Variants in GNAQ observed in about 807,000 individuals in gnomAD.
The protein encoded by GNAQ is G protein subunit alpha q.
GNAQ carries 8 observed loss-of-function variants against 43.9 expected under a neutral mutation model. The observed-to-expected ratio is 0.18, with a 90% CI of 0.11 to 0.33. The LOEUF (loss-of-function observed/expected upper bound fraction) is 0.33. Ranked by LOEUF, GNAQ falls within the 10% of genes least tolerant of loss-of-function variation. The pLI, the probability that GNAQ is intolerant of heterozygous loss-of-function variation, is 1.00. For missense variants in GNAQ, 158 were observed against 450.8 expected, an observed-to-expected ratio of 0.35 and a Z score of 5.88; for synonymous variants, 155 against 170.7, an observed-to-expected ratio of 0.91 and a Z score of 0.71.
At chr9:77,804,219 T>G (rs1826789771) in intron 3 of GNAQ, among the ~76,000 whole-genome samples, 1 of 152,112 alleles carries the variant, frequency 6.6e-6, no homozygotes, top group Non-Finnish European at 1.5e-5. Flanking sequence ...TCCCCCCACC[T>G]ATGACTGGAA....
At chr9:77,975,776 T>C (rs1052635100) in intron 1 of GNAQ, among the ~76,000 whole-genome samples, 5 of 152,106 alleles carry the variant, frequency 3.3e-5, no homozygotes, top group African/African-American at 1.2e-4. Flanking sequence ...GACCTCATGA[T>C]CCACCCGCCT....
At chr9:78,025,208 C>T (rs543075095) in intron 1 of GNAQ, among the ~76,000 whole-genome samples, 1 of 152,258 alleles carries the variant, frequency 6.6e-6, no homozygotes, top group African/African-American at 2.4e-5. Flanking sequence ...TGTAACAAAT[C>T]AAAGGTGATT....
At chr9:77,779,680 C>CAAAAAAAAA (rs58014303) in intron 5 of GNAQ, among the ~76,000 whole-genome samples, 5 of 95,938 alleles carry the variant, frequency 5.2e-5, no homozygotes, top group East Asian at 3.1e-4. Context: ...AAAAACAAAA[C>CAAAAAAAAA]AAAAAAAAAA....
intron 5 of GNAQ, among the ~76,000 whole-genome samples, chr9:77,789,439 G>A (rs1288584768): frequency 6.6e-6 from 1 of 152,042 alleles, no homozygotes; most frequent in East Asian, 1.9e-4. Flanking sequence ...AATGGACAAA[G>A]TTGGTAAATG....
At chr9:77,827,683 C>T (rs560501137) in intron 2 of GNAQ, among the ~76,000 whole-genome samples, 39 of 152,082 alleles carry the variant, frequency 2.6e-4, no homozygotes, top group African/African-American at 5.3e-4. Context: ...ATATAATGAC[C>T]GCTTCATTCT....
intron 3 of GNAQ, among the ~76,000 whole-genome samples, chr9:77,812,118 G>A (rs752134264): frequency 2.6e-5 from 4 of 152,110 alleles, no homozygotes; most frequent in Non-Finnish European, 5.9e-5. Flanking sequence ...AATCTTCTAT[G>A]CAGAAGAATG....
chr9:77,886,695 A>G lies in GNAQ; in HGVS notation c.321+35466T>C, dbSNP rs962489532. Among the ~76,000 whole-genome samples, 6 of 152,230 alleles carry G rather than the reference A, an allele frequency of 3.9e-5. 1 individual carries two copies. Among genetic ancestry groups the G allele is most frequent in the African/African-American group, 7.2e-5 (3 of 41,466 alleles). ...ACTGAATATCATCTTTGGCTGTACA[A>G]TCACAACAATAAAAGCAATCAAACA... On this transcript the variant is annotated intron_variant, in intron 2 of 6. Coordinates refer to ENST00000286548, the MANE Select transcript of GNAQ (RefSeq NM_002072.5).
At chr9:77,857,926 G>C (rs935953762) in intron 2 of GNAQ, among the ~76,000 whole-genome samples, 1 of 151,174 alleles carries the variant, frequency 6.6e-6, no homozygotes, top group African/African-American at 2.4e-5. Flanking sequence ...ATAGCATCAG[G>C]CTTCTTTTTA....
chr9:77,988,114 ACAGAG>A (rs1286097523), intron 1 of GNAQ, among the ~76,000 whole-genome samples: 3 of 152,240 alleles, frequency 2.0e-5, no homozygotes, highest in East Asian at 3.8e-4. Flanking sequence ...AGCAATGAGG[ACAGAG>A]CAGAGAGTGG....
chr9:77,741,615 A>T (rs1422626804), intron 5 of GNAQ, among the ~76,000 whole-genome samples: 1 of 152,222 alleles, frequency 6.6e-6, no homozygotes, highest in Non-Finnish European at 1.5e-5. Flanking sequence ...GTGTCAGGGC[A>T]GTATATTTAG....
rs1825242914 is a variant in GNAQ, at chr9:77,717,464, A to G, written c.*3859T>C. On this transcript the variant is annotated 3_prime_UTR_variant, in exon 7 of 7. Transcript: ENST00000286548. ...GTGATTTGAGGGAAATTTCCAACCA[A>G]TATGTGAGTCTTGCAGTATTTCATT... The G allele has an allele frequency of 1.3e-5, 3 of 232,380 alleles. No individual in the cohort carries two copies. In the Admixed American group the frequency reaches 1.7e-4, roughly 13 times the overall value. The allele number at this position is 232,380 out of a possible 1,614,324, so 14.4% of individuals were successfully genotyped here. A position where few individuals can be genotyped will look rare whatever the true frequency, so the allele number is the denominator to read the frequency against.
At chr9:77,933,344 CACAA>C (rs1409545059) in intron 1 of GNAQ, among the ~76,000 whole-genome samples, 1 of 152,130 alleles carries the variant, frequency 6.6e-6, no homozygotes, top group Non-Finnish European at 1.5e-5. Flanking sequence ...CACACAGACA[CACAA>C]ACACACACAC....
intron 1 of GNAQ, among the ~76,000 whole-genome samples, chr9:77,970,509 GCCT>G (rs1372694046): frequency 6.6e-6 from 1 of 152,112 alleles, no homozygotes; most frequent in African/African-American, 2.4e-5. Flanking sequence ...TTCCCATTCT[GCCT>G]ATTCATCCTT....
chr9:77,809,864 G>T (rs751140762), intron 3 of GNAQ, among the ~76,000 whole-genome samples: 4 of 152,062 alleles, frequency 2.6e-5, no homozygotes, highest in Non-Finnish European at 4.4e-5. Context: ...GGGGGAGAGG[G>T]GTTGAGAGAT....
At chr9:77,833,814 T>C (rs950808426) in intron 2 of GNAQ, among the ~76,000 whole-genome samples, 35 of 152,152 alleles carry the variant, frequency 2.3e-4, no homozygotes, top group African/African-American at 7.5e-4. Flanking sequence ...CTTTCTTTCG[T>C]AGAAATACAC....
intron 1 of GNAQ, among the ~76,000 whole-genome samples, chr9:77,980,795 C>T (rs1823358375): frequency 6.6e-6 from 1 of 152,092 alleles, no homozygotes; most frequent in African/African-American, 2.4e-5. Context: ...ATGAATACTC[C>T]CACACTTTGA....
chr9:77,770,510 G>A (rs1826207788), intron 5 of GNAQ, among the ~76,000 whole-genome samples: 1 of 152,204 alleles, frequency 6.6e-6, no homozygotes, highest in African/African-American at 2.4e-5. Context: ...GCCTTTGTCG[G>A]AAAAGATCCT....
intron 1 of GNAQ, among the ~76,000 whole-genome samples, chr9:77,964,177 C>A (rs569965804): frequency 1.1e-3 from 164 of 152,186 alleles, no homozygotes; most frequent in African/African-American, 3.8e-3. Context: ...GAAATAAAAA[C>A]AATCATTTCA....
At chr9:77,947,241 G>C (rs987955639) in intron 1 of GNAQ, among the ~76,000 whole-genome samples, 2 of 152,182 alleles carry the variant, frequency 1.3e-5, no homozygotes, top group South Asian at 2.1e-4. Context: ...TGGAATGAGG[G>C]GGAAGGGTGA....
Sources: gnomAD v4.1 joint callset for allele counts (sites outside exome capture counted in the v4.1 genomes callset) on GRCh38, gnomAD v4.1.1 for gene constraint, MANE v1.5 for transcripts, NCBI Gene and HGNC (gene_info 2026-07-23, HGNC 2026-07-21) for gene names.